Variants in BFSP1 observed in about 807,000 individuals in gnomAD.
The protein encoded by BFSP1 is filensin.
BFSP1 carries 38 observed loss-of-function variants against 43.9 expected under a neutral mutation model. The ratio of observed to expected loss-of-function variants is 0.87; its 90% CI spans 0.67 to 1.14. The LOEUF (loss-of-function observed/expected upper bound fraction) is 1.14, where lower values mean the gene tolerates loss of function less well. Ranked by LOEUF, BFSP1 falls within the 50% of genes most tolerant of loss-of-function variation. BFSP1 has a pLI of 0.00. For synonymous variants in BFSP1, 352 were observed against 354.8 expected, an observed-to-expected ratio of 0.99 and a Z score of 0.09; for missense variants, 850 against 875.1, an observed-to-expected ratio of 0.97 and a Z score of 0.36.
At chr20:17,510,513 G>A (rs939329561) in intron 4 of BFSP1, among the ~76,000 whole-genome samples, 5 of 152,168 alleles carry the variant, frequency 3.3e-5, no homozygotes, top group Non-Finnish European at 7.3e-5. Flanking sequence ...AATGGTAACT[G>A]GTGGGCAATT....
At chr20:17,566,289 C>G (rs1234343235) in intron 1 of BFSP1, among the ~76,000 whole-genome samples, 1 of 152,164 alleles carries the variant, frequency 6.6e-6, no homozygotes, top group Non-Finnish European at 1.5e-5. Flanking sequence ...ATACACATCT[C>G]TCTTCAGGCT....
At chr20:17,550,294 T>C (rs1258527791) in intron 1 of BFSP1, among the ~76,000 whole-genome samples, 1 of 152,024 alleles carries the variant, frequency 6.6e-6, no homozygotes, top group African/African-American at 2.4e-5. Flanking sequence ...GAGAAATGTC[T>C]CATCTTTGTT....
upstream of BFSP1, among the ~76,000 whole-genome samples, chr20:17,533,755 C>T (rs562753626): frequency 1.1e-4 from 16 of 152,318 alleles, no homozygotes; most frequent in Admixed American, 3.3e-4. Context: ...ACTCAATCGA[C>T]CACACATGGC....
At chr20:17,569,056 G>C (rs992752) in intron 1 of BFSP1, 1 of 151,950 alleles carries the variant, frequency 6.6e-6, no homozygotes, top group African/African-American at 2.4e-5. Context: ...GAGCGGCGGG[G>C]CTGGCGCCAC....
At chr20:17,568,478 T>C (rs530097725) in intron 1 of BFSP1, among the ~76,000 whole-genome samples, 46 of 152,130 alleles carry the variant, frequency 3.0e-4, no homozygotes, top group Admixed American at 1.5e-3. Flanking sequence ...CCTTCTCAGT[T>C]CAGGAGTGTG....
upstream of BFSP1, among the ~76,000 whole-genome samples, chr20:17,559,454 T>C (rs1365859106): frequency 6.6e-6 from 1 of 152,186 alleles, no homozygotes; most frequent in African/African-American, 2.4e-5. Context: ...TTAGTCAACA[T>C]CTTGAGTTTA....
upstream of BFSP1, chr20:17,559,019 T>G: frequency 1.1e-5 from 3 of 265,474 alleles, no homozygotes. Context: ...TCACCTCCAC[T>G]CCCCCTTCCA....
At chr20:17,536,994 G>A (rs1408776694) in intron 1 of BFSP1, among the ~76,000 whole-genome samples, 1 of 152,210 alleles carries the variant, frequency 6.6e-6, no homozygotes, top group Non-Finnish European at 1.5e-5. Flanking sequence ...AATTGAGGCT[G>A]TTAGGGTGGA....
chr20:17,527,765 A>G (rs2034453605), intron 1 of BFSP1, among the ~76,000 whole-genome samples: 1 of 147,848 alleles, frequency 6.8e-6, no homozygotes, highest in Admixed American at 6.8e-5. Context: ...AGAGAGAGAG[A>G]GTGATTTCAC....
chr20:17,514,732 T>A lies in BFSP1; in HGVS notation c.523A>T (p.Arg175Trp), dbSNP rs2034160625. ...LQDDISAAKD[R>W]HKKNLLEVQT... ...GGGGTCATGATTACCTTCTTGTGCC[T>A]GTCCTTTGCCGCACTGATATCATCT... is the stretch of plus-strand genomic sequence containing the variant. Residue 175 changes from arginine to tryptophan, a missense_variant, in exon 3 of 8, where the codon AGG (arginine) becomes TGG (tryptophan). Arg to Trp is a moderately radical substitution (Grantham distance 101, BLOSUM62 -3). Transcript: ENST00000377873. The A allele has an allele frequency of 1.9e-6, 3 of 1,613,986 alleles. No homozygotes were observed. Among genetic ancestry groups the A allele is most frequent in the Non-Finnish European group, 2.5e-6 (3 of 1,179,862 alleles).
chr20:17,512,390 T>C (rs908656545), intron 3 of BFSP1, among the ~76,000 whole-genome samples: 2 of 145,526 alleles, frequency 1.4e-5, no homozygotes, highest in African/African-American at 5.1e-5. Context: ...CACAAAGCCC[T>C]GGGTGGCGGA....
chr20:17,538,143 AGAAAG>A lies in BFSP1; in HGVS notation c.3-13240_3-13236del, dbSNP rs760865904. On this transcript the variant is annotated intron_variant, in intron 1 of 7. Coordinates refer to the BFSP1 transcript ENST00000377868. The stretch of plus-strand genomic sequence containing the variant: ...CTCAAAAGAAAAAAAAAAGAAAGAG[AGAAAG>A]GAAAGGAAAGGAAAGGAGGAAGGAA... 7.0e-3 allele frequency among the ~76,000 whole-genome samples: 1,041 copies of A among 149,050 alleles called. 16 individuals carry two copies. The highest frequency in any genetic ancestry group is 0.019 in the East Asian group (97 of 5,144).
chr20:17,550,897 CCACAGGT>C (rs1441860753), intron 1 of BFSP1, among the ~76,000 whole-genome samples: 1 of 152,184 alleles, frequency 6.6e-6, no homozygotes, highest in African/African-American at 2.4e-5. Context: ...CATCATATAA[CCACAGGT>C]CATGATAGAC....
intron 1 of BFSP1, among the ~76,000 whole-genome samples, chr20:17,566,607 A>T (rs1380855102): frequency 1.3e-5 from 2 of 152,134 alleles, no homozygotes; most frequent in Non-Finnish European, 2.9e-5. Context: ...TTCATAGATG[A>T]ACCTTTTTGC....
chr20:17,521,517 A>C (rs2034318341), intron 2 of BFSP1, among the ~76,000 whole-genome samples: 1 of 152,234 alleles, frequency 6.6e-6, no homozygotes, highest in East Asian at 1.9e-4. Context: ...ACTGAGCTAA[A>C]ACCTCGTTGA....
At chr20:17,531,962 C>G (rs1475497597), upstream of BFSP1, among the ~76,000 whole-genome samples, 4 of 152,116 alleles carry the variant, frequency 2.6e-5, no homozygotes, top group Admixed American at 6.5e-5. Context: ...TGGCATGTCT[C>G]CATTAAGTAG....
At chr20:17,563,410 CCTTT>C (rs1369112475), upstream of BFSP1, among the ~76,000 whole-genome samples, 1 of 22,734 alleles carries the variant, frequency 4.4e-5, no homozygotes, top group Non-Finnish European at 2.6e-4. Flanking sequence ...TTCCTTCCTT[CCTTT>C]CTGACAGAGT....
intron 5 of BFSP1, among the ~76,000 whole-genome samples, chr20:17,506,528 T>G (rs2033941972): frequency 6.6e-6 from 1 of 150,778 alleles, no homozygotes; most frequent in African/African-American, 2.4e-5. Context: ...TTAGTTTCTT[T>G]TTTTTTTTTT....
At chr20:17,537,910 G>A (rs996471285) in intron 1 of BFSP1, among the ~76,000 whole-genome samples, 6 of 152,036 alleles carry the variant, frequency 3.9e-5, no homozygotes, top group Non-Finnish European at 5.9e-5. Flanking sequence ...TTGAGCCCAG[G>A]AATCCAAGAC....
Sources: allele counts gnomAD v4.1 joint callset (sites outside exome capture counted in the v4.1 genomes callset), GRCh38; gene constraint gnomAD v4.1.1; transcripts MANE v1.5; gene names NCBI Gene and HGNC (gene_info 2026-07-23, HGNC 2026-07-21).